The following SOX6 variants were observed in gnomAD, a reference collection of about 807,000 sequenced individuals.
SOX6 encodes the protein transcription factor SOX-6.
A neutral mutation model predicts 97.8 loss-of-function variants in SOX6; 11 were observed. The observed-to-expected ratio is 0.11, with a 90% CI of 0.07 to 0.19. The LOEUF (loss-of-function observed/expected upper bound fraction) is 0.19, where lower values mean the gene tolerates loss of function less well. Among genes scored for constraint, SOX6 ranks in the 10% least tolerant of loss-of-function variants. SOX6 has a pLI of 1.00. For synonymous variants in SOX6, 360 were observed against 371.4 expected (o/e 0.97, Z 0.35); for missense variants, 810 against 1,039.5 (o/e 0.78, Z 3.04).
chr11:16,102,882 G>T (rs944295033), intron 7 of SOX6, among the ~76,000 whole-genome samples: 2 of 151,916 alleles, frequency 1.3e-5, no homozygotes, highest in Non-Finnish European at 2.9e-5. Flanking sequence ...GCTCAAGATG[G>T]ATCAAAGACT....
chr11:16,099,644 C>T (rs1405412699), intron 7 of SOX6, among the ~76,000 whole-genome samples: 2 of 150,900 alleles, frequency 1.3e-5, no homozygotes, highest in African/African-American at 2.4e-5. Context: ...AAATCAAACT[C>T]TAAAAGAATT....
At chr11:16,181,874 C>T (rs1324641649) in intron 6 of SOX6, among the ~76,000 whole-genome samples, 1 of 151,676 alleles carries the variant, frequency 6.6e-6, no homozygotes, top group Non-Finnish European at 1.5e-5. Flanking sequence ...ATAATTTATA[C>T]TGCTAAGTTC....
At chr11:16,233,421 T>C (rs976851653) in intron 4 of SOX6, among the ~76,000 whole-genome samples, 2 of 152,152 alleles carry the variant, frequency 1.3e-5, no homozygotes, top group Non-Finnish European at 2.9e-5. Context: ...TCTGAATGGA[T>C]TGGGATAGTC....
intron 13 of SOX6, among the ~76,000 whole-genome samples, chr11:16,000,718 G>T: frequency 6.6e-6 from 1 of 151,952 alleles, no homozygotes; most frequent in Non-Finnish European, 1.5e-5. Flanking sequence ...GGATGACAGT[G>T]TGTGTGTGTG....
In SOX6 at chr11:16,261,934, T is replaced by C. The variant is rs191803454; in HGVS notation, c.446-27263A>G. ...CTAAATATGTTCCCTTTTCTTATTA[T>C]TTTGAGGGGGGAATAGAAAAAATGA... On this transcript the variant is annotated intron_variant, in intron 3 of 15. Coordinates refer to ENST00000683767, the MANE Select transcript of SOX6 (RefSeq NM_001367873.1). Among the ~76,000 whole-genome samples the C allele has an allele frequency of 2.7e-3, 409 of 152,136 alleles. 1 individual carries two copies. Among genetic ancestry groups the C allele is most frequent in the South Asian group, 0.015 (74 of 4,816 alleles).
chr11:16,438,826 A>C (rs1859441459), intron 1 of SOX6, among the ~76,000 whole-genome samples: 1 of 152,114 alleles, frequency 6.6e-6, no homozygotes, highest in African/African-American at 2.4e-5. Flanking sequence ...CCTAGGTCTA[A>C]AAAGAGATCC....
intron 2 of SOX6, among the ~76,000 whole-genome samples, chr11:16,325,743 G>A (rs1856067953): frequency 6.6e-6 from 1 of 152,120 alleles, no homozygotes; most frequent in South Asian, 2.1e-4. Flanking sequence ...GCTATGGTTT[G>A]AATGTACGTC....
chr11:16,604,301 CTT>C (rs1255806036), intron 4 of SOX6, among the ~76,000 whole-genome samples: 1 of 152,228 alleles, frequency 6.6e-6, no homozygotes, highest in African/African-American at 2.4e-5. Flanking sequence ...GACCTGACCA[CTT>C]GACCTTTTTT....
intron 1 of SOX6, among the ~76,000 whole-genome samples, chr11:16,406,836 T>C (rs1858696322): frequency 6.6e-6 from 1 of 152,146 alleles, no homozygotes; most frequent in Non-Finnish European, 1.5e-5. Context: ...TTTGTTCCAT[T>C]TTAACTAATG....
intron 15 of SOX6, among the ~76,000 whole-genome samples, chr11:15,975,853 C>A (rs751381131): frequency 6.6e-6 from 1 of 152,080 alleles, no homozygotes; most frequent in Non-Finnish European, 1.5e-5. Context: ...CAATTTAAAT[C>A]GGAATCAAAA....
intron 9 of SOX6, among the ~76,000 whole-genome samples, chr11:16,079,992 A>G (rs1449309355): frequency 1.3e-5 from 2 of 152,016 alleles, no homozygotes; most frequent in Non-Finnish European, 2.9e-5. Context: ...ATACAGCACA[A>G]TAATCCACCT....
intron 4 of SOX6, among the ~76,000 whole-genome samples, chr11:16,502,961 A>G (rs942501410): frequency 6.6e-6 from 1 of 152,220 alleles, no homozygotes; most frequent in Non-Finnish European, 1.5e-5. Context: ...AAACAGCAAG[A>G]GAAAAGTGCC....
At chr11:16,099,404 A>T (rs917831908) in intron 7 of SOX6, among the ~76,000 whole-genome samples, 1 of 151,816 alleles carries the variant, frequency 6.6e-6, no homozygotes, top group Non-Finnish European at 1.5e-5. Flanking sequence ...ATCAAGTTTT[A>T]AAAAAATCAC....
intron 6 of SOX6, among the ~76,000 whole-genome samples, chr11:16,146,968 A>T (rs542485227): frequency 6.6e-6 from 1 of 152,248 alleles, no homozygotes; most frequent in Non-Finnish European, 1.5e-5. Flanking sequence ...ATCCAGAACT[A>T]GAAATACCAT....
chr11:16,546,675 G>C (rs1015523362), intron 4 of SOX6, among the ~76,000 whole-genome samples: 1 of 152,102 alleles, frequency 6.6e-6, no homozygotes, highest in African/African-American at 2.4e-5. Context: ...AGAAAATACA[G>C]GGGAAGTGCT....
intron 15 of SOX6, among the ~76,000 whole-genome samples, chr11:15,977,769 T>C (rs1590103288): frequency 6.6e-6 from 1 of 152,068 alleles, no homozygotes; most frequent in African/African-American, 2.4e-5. Context: ...TATTGCACAT[T>C]GTTCTAGCCT....
intron 1 of SOX6, among the ~76,000 whole-genome samples, chr11:16,375,847 C>T (rs1857627933): frequency 1.3e-5 from 2 of 152,050 alleles, no homozygotes; most frequent in Non-Finnish European, 2.9e-5. Flanking sequence ...GAATACTATG[C>T]AGCCATAAAA....
intron 3 of SOX6, among the ~76,000 whole-genome samples, chr11:16,681,274 G>A (rs1847925314): frequency 6.6e-6 from 1 of 152,160 alleles, no homozygotes; most frequent in Non-Finnish European, 1.5e-5. Context: ...AGACCACAGT[G>A]CAATCAAATG....
At chr11:16,281,855 T>C (rs139388152) in intron 3 of SOX6, among the ~76,000 whole-genome samples, 86 of 151,698 alleles carry the variant, frequency 5.7e-4, no homozygotes, top group East Asian at 5.0e-3. Context: ...CATGGCTTTA[T>C]TATGTGTATT....
Sources: gnomAD v4.1 joint callset for allele counts (sites outside exome capture counted in the v4.1 genomes callset) on GRCh38, gnomAD v4.1.1 for gene constraint, MANE v1.5 for transcripts, NCBI Gene and HGNC (gene_info 2026-07-23, HGNC 2026-07-21) for gene names.